TUBB4A: variants seen among roughly 807,000 people sequenced by gnomAD.
The protein encoded by TUBB4A is tubulin beta-4A chain.
In TUBB4A, 13 loss-of-function variants were observed where a neutral mutation model predicts 35.1. The observed-to-expected ratio is 0.37, with a 90% CI of 0.24 to 0.59. The LOEUF is 0.59. TUBB4A is among the 20% of genes least tolerant of loss of function. TUBB4A has a pLI of 0.71. For missense variants in TUBB4A, 299 were observed against 647.2 expected, an observed-to-expected ratio of 0.46 and a Z score of 5.84; for synonymous variants, 279 against 272.4, an observed-to-expected ratio of 1.02 and a Z score of -0.24.
rs1914545099 is a variant in TUBB4A, at chr19:6,501,782, A to G, written c.58-159T>C. The stretch of plus-strand genomic sequence containing the variant: ...GGTGTCGGGGCGAGGATGAGGCAGC[A>G]AGAAGGAGCGGTGGGGGCGGGGTGC... On this transcript the variant is annotated intron_variant, in intron 1 of 3. Transcript: ENST00000264071. This position sits in a 1 kb window ranked among gnomAD's most constrained non-coding sequence, Gnocchi z 4.2. 1.6e-6 allele frequency: 1 copy of G among 640,610 alleles called. No individual in the cohort carries two copies. Among genetic ancestry groups the G allele is most frequent in the Non-Finnish European group, 2.7e-6 (1 of 371,724 alleles). 39.7% of individuals were successfully genotyped at this position (640,610 alleles called of 1,614,324 possible). A position where few individuals can be genotyped will look rare whatever the true frequency, so the allele number is the denominator to read the frequency against.
intron 3 of TUBB4A, among the ~76,000 whole-genome samples, chr19:6,498,379 C>T (rs1468228919): frequency 6.6e-6 from 1 of 152,162 alleles, no homozygotes; most frequent in Non-Finnish European, 1.5e-5. Flanking sequence ...ACCCTTATCA[C>T]CCAGTCTGTC....
At chr19:6,497,025 ATATATATATATATAT>A (rs1232096122) in intron 3 of TUBB4A, among the ~76,000 whole-genome samples, 43 of 8,410 alleles carry the variant, frequency 5.1e-3, no homozygotes, top group Non-Finnish European at 7.5e-3. Flanking sequence ...AAAAAAAAAA[ATATATATATATATAT>A]ATATATATAT....
intron 3 of TUBB4A, among the ~76,000 whole-genome samples, chr19:6,496,873 C>G (rs1378693440): frequency 6.9e-6 from 1 of 145,702 alleles, no homozygotes; most frequent in Non-Finnish European, 1.5e-5. Context: ...AAAAAAAAAC[C>G]AAGACTGGGC....
At chr19:6,497,410 T>G (rs924957804) in intron 3 of TUBB4A, among the ~76,000 whole-genome samples, 1 of 151,346 alleles carries the variant, frequency 6.6e-6, no homozygotes, top group Non-Finnish European at 1.5e-5. Flanking sequence ...TACAGGCTTA[T>G]GCTACCAGAT....
chr19:6,502,102 C>G, intron 1 of TUBB4A, 54 bp downstream of exon 1: 1 of 1,512,872 alleles, frequency 6.6e-7, no homozygotes, highest in Non-Finnish European at 8.8e-7. Context: ...GGGACCGACC[C>G]CGCGGTGCTC....
chr19:6,499,434 G>A (rs569992315), intron 3 of TUBB4A, among the ~76,000 whole-genome samples: 4 of 152,294 alleles, frequency 2.6e-5, no homozygotes, highest in African/African-American at 9.6e-5. Context: ...CTGTAAAATG[G>A]AAGTAAGAGG....
chr19:6,495,606 T>C lies in TUBB4A; in HGVS notation c.893A>G (p.Asn298Ser). Residue 298 changes from asparagine to serine, a missense_variant, in exon 4 of 4, where the codon AAC becomes AGC. Physicochemically the swap from Asn to Ser is conservative, Grantham distance 46. Coordinates refer to ENST00000264071, the MANE Select transcript of TUBB4A (RefSeq NM_006087.4). The surrounding 1 kb of genome is among the most constrained non-coding windows in gnomAD (Gnocchi z 8.7). ...ELTQQMFDAKNMMAACDPRHG... is the reference protein window; with the variant it reads ...ELTQQMFDAKSMMAACDPRHG... ...GCGCGGGTCGCACGCCGCCATCATG[T>C]TCTTGGCATCGAACATCTGCTGGGT... is the stretch of plus-strand genomic sequence containing the variant. The C allele has an allele frequency of 6.2e-7, 1 of 1,613,998 alleles. No homozygotes were observed. Among genetic ancestry groups the C allele is most frequent in the Non-Finnish European group, 8.5e-7 (1 of 1,179,918 alleles).
intron 3 of TUBB4A, 55 bp from the exon 4 acceptor site, chr19:6,496,276 G>A (rs1914184147): frequency 1.3e-6 from 2 of 1,515,862 alleles, no homozygotes; most frequent in African/African-American, 2.7e-5. Flanking sequence ...CCCAACCCTT[G>A]ACTCTGTCTC....
chr19:6,501,750 G>T lies in TUBB4A; in HGVS notation c.58-127C>A. The T allele has an allele frequency of 1.4e-6, 1 of 740,646 alleles. No individual in the cohort carries two copies. The highest frequency in any genetic ancestry group is 2.3e-6 in the Non-Finnish European group (1 of 443,004). 45.9% of individuals were successfully genotyped at this position (740,646 alleles called of 1,614,324 possible). A position where few individuals can be genotyped will look rare whatever the true frequency, so the allele number is the denominator to read the frequency against. On this transcript the variant is annotated intron_variant, in intron 1 of 3. Transcript: ENST00000264071. The surrounding 1 kb of genome is among the most constrained non-coding windows in gnomAD (Gnocchi z 4.2). ...CCCAGCAAGGTGAACGGGGGACCTA[G>T]AGGCATGGTGTCGGGGCGAGGATGA...
intron 3 of TUBB4A, among the ~76,000 whole-genome samples, chr19:6,497,259 T>C (rs973163291): frequency 6.6e-6 from 1 of 150,974 alleles, no homozygotes; most frequent in Non-Finnish European, 1.5e-5. Context: ...TTAACATCAT[T>C]ATTAATAATA....
At chr19:6,497,898 CAAAAAAAAAAA>C (rs1179837262) in intron 3 of TUBB4A, among the ~76,000 whole-genome samples, 2 of 42,254 alleles carry the variant, frequency 4.7e-5, no homozygotes, top group East Asian at 7.0e-4. Context: ...GACTCCGTCT[CAAAAAAAAAAA>C]AAAAAAAAAA....
chr19:6,501,835 C>T lies in TUBB4A; in HGVS notation c.58-212G>A. The T allele has an allele frequency of 1.7e-6, 1 of 592,106 alleles. No homozygotes were observed. The highest frequency in any genetic ancestry group is 1.9e-5 in the African/African-American group (1 of 53,560). The allele number at this position is 592,106 out of a possible 1,614,324, so 36.7% of individuals were successfully genotyped here. A position where few individuals can be genotyped will look rare whatever the true frequency, so the allele number is the denominator to read the frequency against. On this transcript the variant is annotated intron_variant, in intron 1 of 3. Transcript: ENST00000264071. The surrounding 1 kb of genome is among the most constrained non-coding windows in gnomAD (Gnocchi z 4.2). Reference sequence around the variant, plus strand: ...CCGAGTCAGCACCCAGCGGGGCCGGCTGGTGCCAGCGCACCCAGGCTGCAG... The same window carrying T: ...CCGAGTCAGCACCCAGCGGGGCCGGTTGGTGCCAGCGCACCCAGGCTGCAG...
chr19:6,495,089 G>A lies in TUBB4A; in HGVS notation c.*75C>T. ...CCTTGGAGGGAAAGCGGGGCTCTAG[G>A]GTTCAGAGATGGGGGGCCTAGCGGA... On this transcript the variant is annotated 3_prime_UTR_variant, in exon 4 of 4. Transcript: ENST00000264071. The surrounding 1 kb of genome is among the most constrained non-coding windows in gnomAD (Gnocchi z 8.7). 1 of 1,552,834 alleles carries A rather than the reference G, an allele frequency of 6.4e-7. No individual in the cohort carries two copies.
chr19:6,497,064 T>TATATATATATATAA (rs1219805200), intron 3 of TUBB4A, among the ~76,000 whole-genome samples: 3 of 74,642 alleles, frequency 4.0e-5, no homozygotes, highest in South Asian at 5.4e-4. Context: ...TATATATATA[T>TATATATATATATAA]AAATTAGCCA....
Position 6,495,194 on chromosome 19 carries a change from G to C in TUBB4A, c.1305C>G (p.Phe435Leu). Reference protein sequence around the residue: ...YQDATAEEGEFEEEAEEEVA With the variant: ...YQDATAEEGELEEEAEEEVA ...CCACCTCCTCCTCCGCCTCCTCCTC[G>C]AACTCGCCCTCCTCGGCCGTGGCGT... Residue 435 changes from phenylalanine to leucine, a missense_variant, in exon 4 of 4, where the codon TTC becomes TTG. Transcript: ENST00000264071. The surrounding 1 kb of genome is among the most constrained non-coding windows in gnomAD (Gnocchi z 8.7). The C allele has an allele frequency of 6.2e-7, 1 of 1,613,888 alleles. No homozygotes were observed. Among genetic ancestry groups the C allele is most frequent in the Non-Finnish European group, 8.5e-7 (1 of 1,179,868 alleles).
Position 6,501,847 on chromosome 19 carries a change from C to A in TUBB4A, c.58-224G>T. The stretch of plus-strand genomic sequence containing the variant: ...CCAGCGGGGCCGGCTGGTGCCAGCG[C>A]ACCCAGGCTGCAGCCCGGGGGAGGC... On this transcript the variant is annotated intron_variant, in intron 1 of 3. Transcript: ENST00000264071. The surrounding 1 kb of genome is among the most constrained non-coding windows in gnomAD (Gnocchi z 4.2). 1 of 591,460 alleles carries A rather than the reference C, an allele frequency of 1.7e-6. No homozygotes were observed. Among genetic ancestry groups the A allele is most frequent in the Non-Finnish European group, 3.0e-6 (1 of 335,426 alleles). 36.6% of individuals were successfully genotyped at this position (591,460 alleles called of 1,614,324 possible). A position where few individuals can be genotyped will look rare whatever the true frequency, so the allele number is the denominator to read the frequency against.
rs1190129209 is a variant in TUBB4A at position 6,501,910 on chromosome 19, C to T, written c.57+246G>A. 5.2e-6 allele frequency: 3 copies of T among 581,402 alleles called. No individual in the cohort carries two copies. The highest frequency in any genetic ancestry group is 4.3e-5 in the South Asian group (2 of 46,888). The allele number at this position is 581,402 out of a possible 1,614,324, so 36.0% of individuals were successfully genotyped here. ...TGTGCGTGAGGAGGGGACAGTGGCCCAGCTGTGGGCCCAGCTGTGACAGGC... is the reference window on the plus strand; with the variant it reads ...TGTGCGTGAGGAGGGGACAGTGGCCTAGCTGTGGGCCCAGCTGTGACAGGC... On this transcript the variant is annotated intron_variant, in intron 1 of 3. Coordinates refer to ENST00000264071, the MANE Select transcript of TUBB4A (RefSeq NM_006087.4). This position sits in a 1 kb window ranked among gnomAD's most constrained non-coding sequence, Gnocchi z 4.2.
upstream of TUBB4A, chr19:6,502,513 G>C (rs1914591585): frequency 2.6e-6 from 1 of 387,220 alleles, no homozygotes; most frequent in Admixed American, 4.9e-5. Context: ...TTGGGGGTGA[G>C]GCCCCTTAGG....
chr19:6,497,062 T>TATATATATATAA (rs1368792361), intron 3 of TUBB4A, among the ~76,000 whole-genome samples: 1 of 77,442 alleles, frequency 1.3e-5, no homozygotes, highest in Non-Finnish European at 2.3e-5. Flanking sequence ...TATATATATA[T>TATATATATATAA]ATAAATTAGC....
Sources: gnomAD v4.1 joint callset for allele counts (sites outside exome capture counted in the v4.1 genomes callset) on GRCh38, gnomAD v4.1.1 for gene constraint, Gnocchi (gnomAD v3.1) non-coding constraint, MANE v1.5 for transcripts, NCBI Gene and HGNC (gene_info 2026-07-23, HGNC 2026-07-21) for gene names.